Variants in RNPEP observed in about 807,000 individuals in gnomAD.
RNPEP encodes the protein aminopeptidase B.
RNPEP carries 57 observed loss-of-function variants against 70.1 expected under a neutral mutation model. The observed-to-expected ratio is 0.81, with a 90% CI of 0.66 to 1.01. RNPEP has a LOEUF of 1.01. RNPEP is among the 50% of genes least tolerant of loss of function. RNPEP has a pLI of 0.00. For synonymous variants in RNPEP, 335 were observed against 357.4 expected, an observed-to-expected ratio of 0.94 and a Z score of 0.71; for missense variants, 787 against 852.4, an observed-to-expected ratio of 0.92 and a Z score of 0.96.
intron 6 of RNPEP, among the ~76,000 whole-genome samples, chr1:202,000,729 ACT>A (rs1172407210): frequency 2.6e-5 from 4 of 152,060 alleles, no homozygotes; most frequent in Non-Finnish European, 5.9e-5. Flanking sequence ...CCCTGTCTCT[ACT>A]AAAAATACAA....
chr1:201,989,067 C>T, intron 2 of RNPEP, 23 bp downstream of exon 2: 1 of 1,603,744 alleles, frequency 6.2e-7, no homozygotes, highest in Non-Finnish European at 8.5e-7. Flanking sequence ...AGGTTAGGTG[C>T]ACCTGCCCTT....
intron 8 of RNPEP, 55 bp downstream of exon 8, chr1:202,001,822 C>A: frequency 8.9e-7 from 1 of 1,119,626 alleles, no homozygotes; most frequent in South Asian, 1.3e-5. Flanking sequence ...AATGAGATCT[C>A]ATTGACACTC....
intron 3 of RNPEP, among the ~76,000 whole-genome samples, chr1:201,991,803 CCTT>C (rs1296280949): frequency 6.6e-6 from 1 of 152,028 alleles, no homozygotes; most frequent in Non-Finnish European, 1.5e-5. Context: ...CTGTCTTAAA[CCTT>C]CTAGTTGTAA....
Position 201,993,916 on chromosome 1 carries a change from C to T in RNPEP, c.738-2231C>T, listed in dbSNP as rs182354382. ...TGCACTTCTTGAAACCCCCCCACCC[C>T]ACAATCATTTATTGCTACAACCCAT... On this transcript the variant is annotated intron_variant, in intron 3 of 10. Coordinates refer to ENST00000295640, the MANE Select transcript of RNPEP (RefSeq NM_020216.4). Among the ~76,000 whole-genome samples, 7 of 151,706 alleles carry T rather than the reference C, an allele frequency of 4.6e-5. No individual in the cohort carries two copies. The East Asian group carries it at 1.4e-3, about 29-fold the overall frequency.
chr1:201,985,406 C>T (rs576392586), intron 1 of RNPEP, among the ~76,000 whole-genome samples: 4 of 152,180 alleles, frequency 2.6e-5, no homozygotes, highest in African/African-American at 4.8e-5. Flanking sequence ...AGACCTGCCA[C>T]CTCCACACTT....
At chr1:202,000,720 C>A (rs891979912) in intron 6 of RNPEP, among the ~76,000 whole-genome samples, 1 of 151,976 alleles carries the variant, frequency 6.6e-6, no homozygotes, top group African/African-American at 2.4e-5. Context: ...TATGGAGAAC[C>A]CTGTCTCTAC....
chr1:201,993,320 G>A (rs1384011500), intron 3 of RNPEP, among the ~76,000 whole-genome samples: 1 of 152,140 alleles, frequency 6.6e-6, no homozygotes, highest in Non-Finnish European at 1.5e-5. Flanking sequence ...CTCAAGGCTG[G>A]GTGTGGTGGC....
chr1:201,983,810 T>C (rs7548375), intron 1 of RNPEP: 876,554 of 1,085,128 alleles, frequency 0.81, 354,487 homozygotes, highest in Admixed American at 0.83. Flanking sequence ...GATGGAGTTA[T>C]GTGGCTTATG....
At chr1:201,985,972 G>A (rs1032444975) in intron 1 of RNPEP, among the ~76,000 whole-genome samples, 45 of 152,098 alleles carry the variant, frequency 3.0e-4, no homozygotes, top group African/African-American at 5.1e-4. Flanking sequence ...CATCCAGGCC[G>A]TAGTGCAGTG....
rs752444375 is a variant in RNPEP at position 202,004,422 on chromosome 1, C to T, written c.1720C>T (p.Arg574Ter). Residue 574 changes from arginine to a stop codon, truncating the protein, a stop_gained, in exon 10 of 11, where the codon CGA becomes TGA. Transcript: ENST00000295640. LOFTEE classifies it high-confidence loss of function. ...SNARNAELRL[R>*]WGQIVLKNDH... ...TGCCCGGAATGCAGAGCTCCGGCTG[C>T]GATGGGGCCAAATCGTCCTTAAGAA... The T allele has an allele frequency of 6.8e-6, 11 of 1,614,126 alleles. No individual in the cohort carries two copies. Among genetic ancestry groups the T allele is most frequent in the Admixed American group, 1.7e-5 (1 of 60,022 alleles).
rs374022832 is a variant in RNPEP, at chr1:201,999,982, C to G, written c.1171C>G (p.Pro391Ala). The part of the protein sequence containing the change: ...QHMDITGEEN[P>A]LNKLRVKIEP... ...CATGGACATCACTGGAGAGGAAAAC[C>G]CACTCAACAAGCTCCGCGTGAAGAT... Residue 391 changes from proline to alanine, a missense_variant, in exon 6 of 11, where the codon CCA becomes GCA. Physicochemically the swap from Pro to Ala is conservative, Grantham distance 27 (BLOSUM62 -1). Transcript: ENST00000295640. The G allele has an allele frequency of 1.9e-6, 3 of 1,613,886 alleles. No individual in the cohort carries two copies. Among genetic ancestry groups the G allele is most frequent in the Non-Finnish European group, 8.5e-7 (1 of 1,179,908 alleles).
intron 3 of RNPEP, among the ~76,000 whole-genome samples, chr1:201,993,045 C>T (rs934256210): frequency 6.6e-6 from 1 of 152,166 alleles, no homozygotes; most frequent in African/African-American, 2.4e-5. Flanking sequence ...AGCAGAAGGT[C>T]TTGTCTCCTG....
chr1:202,005,441 GCC>G, intron 10 of RNPEP, 115 bp from the exon 11 acceptor site: 3 of 1,155,904 alleles, frequency 2.6e-6, no homozygotes, highest in South Asian at 1.4e-5. Context: ...CAGCTGTGAT[GCC>G]CACATCCCTT....
In RNPEP at chr1:202,001,756, A is replaced by G. The variant is rs1228033969; in HGVS notation, c.1415A>G (p.Asp472Gly). ...YFPELKKKRV[D>G]IIPGFEFDRW... ...CCTGAGCTTAAGAAAAAGAGAGTGG[A>G]TATCATTCCAGGTAAGCAGAGGAAC... is the stretch of plus-strand genomic sequence containing the variant. Residue 472 changes from aspartate to glycine, a missense_variant, in exon 8 of 11, where the codon GAT (aspartate) becomes GGT (glycine). Physicochemically the swap from Asp to Gly is moderately conservative, Grantham distance 94. Transcript: ENST00000295640. 6.3e-7 allele frequency: 1 copy of G among 1,589,300 alleles called. No homozygotes were observed. Among genetic ancestry groups the G allele is most frequent in the East Asian group, 2.2e-5 (1 of 44,762 alleles).
At chr1:201,990,794 C>A (rs1300620597) in intron 3 of RNPEP, among the ~76,000 whole-genome samples, 1 of 152,156 alleles carries the variant, frequency 6.6e-6, no homozygotes, top group Non-Finnish European at 1.5e-5. Context: ...TCCTAATAGG[C>A]AGGGCGGGAA....
In RNPEP at chr1:202,003,429, A is replaced by T. The variant is rs1449881796; in HGVS notation, c.1619A>T (p.Asp540Val). The change falls in exon 9 of 11, where the codon GAT (aspartate) becomes GTT (valine). Residue 540 changes from aspartate to valine, a missense_variant. Physicochemically the swap from Asp to Val is radical, Grantham distance 152 (BLOSUM62 -3). Coordinates refer to ENST00000295640, the MANE Select transcript of RNPEP (RefSeq NM_020216.4). ...ACCTACCAGCTGGTCTACTTCCTGG[A>T]TAAGATCCTCCAGAAATCCCCTCTC... ...WKTYQLVYFLDKILQKSPLPP... is the reference protein window; with the variant it reads ...WKTYQLVYFLVKILQKSPLPP... 1.9e-6 allele frequency: 3 copies of T among 1,613,790 alleles called. No homozygotes were observed. The highest frequency in any genetic ancestry group is 2.5e-6 in the Non-Finnish European group (3 of 1,179,900).
intron 1 of RNPEP, 119 bp downstream of exon 1, chr1:201,983,232 C>T: frequency 7.0e-7 from 1 of 1,428,528 alleles, no homozygotes; most frequent in East Asian, 2.6e-5. Context: ...CCAGAGCGTC[C>T]CTAGAGGGGC....
Position 202,005,686 on chromosome 1 carries a change from C to T in RNPEP, c.1923C>T (p.Val641=). Residue 641 remains valine, a synonymous_variant, in exon 11 of 11, where the codon GTC becomes GTT. Transcript: ENST00000295640. ...SQLHSNVVNY[V]QQIVAPKGS ...TCCACAGCAATGTTGTCAACTATGTCCAGCAGATCGTGGCACCCAAGGGCA... is the reference window on the plus strand; with the variant it reads ...TCCACAGCAATGTTGTCAACTATGTTCAGCAGATCGTGGCACCCAAGGGCA... 1 of 1,614,252 alleles carries T rather than the reference C, an allele frequency of 6.2e-7. No homozygotes were observed. Among genetic ancestry groups the T allele is most frequent in the East Asian group, 2.2e-5 (1 of 44,892 alleles).
chr1:202,002,720 T>TA (rs1683878362), intron 8 of RNPEP, among the ~76,000 whole-genome samples: 1 of 152,220 alleles, frequency 6.6e-6, no homozygotes, highest in Admixed American at 6.5e-5. Context: ...CCAGAGTACT[T>TA]ACTATGCATC....
Sources: allele counts gnomAD v4.1 joint callset (sites outside exome capture counted in the v4.1 genomes callset), GRCh38; gene constraint gnomAD v4.1.1; transcripts MANE v1.5; gene names NCBI Gene and HGNC (gene_info 2026-07-23, HGNC 2026-07-21).